Variants in SMIM20 observed in about 807,000 individuals in gnomAD.
SMIM20 encodes the protein small integral membrane protein 20, also known as mitochondrial translation regulation assembly intermediate of cytochrome c oxidase protein of 7 kDa.
SMIM20 carries 3 observed loss-of-function variants against 8.7 expected under a neutral mutation model. That is an observed-to-expected ratio of 0.34 (90% CI 0.16 to 0.89). The LOEUF (loss-of-function observed/expected upper bound fraction) is 0.89, where lower values mean the gene tolerates loss of function less well. Among genes scored for constraint, SMIM20 ranks in the 40% least tolerant of loss-of-function variants. SMIM20 has a pLI of 0.49. For synonymous variants in SMIM20, 44 were observed against 33.6 expected (o/e 1.31, Z -1.07); for missense variants, 85 against 84.8 (o/e 1.00, Z -0.01).
At chr4:25,916,594 C>T (rs779096811) in intron 1 of SMIM20, among the ~76,000 whole-genome samples, 17 of 152,222 alleles carry the variant, frequency 1.1e-4, no homozygotes, top group Non-Finnish European at 1.8e-4. Flanking sequence ...CTCCCTCTGT[C>T]GCCCAGGCTG....
In SMIM20 at chr4:25,914,241, C is replaced by T. The variant is rs534348556; in HGVS notation, c.-73C>T. 1.3e-5 allele frequency: 20 copies of T among 1,509,486 alleles called. 1 individual carries two copies. The South Asian group carries it at 1.9e-4, about 14-fold the overall frequency. 93.5% of individuals were successfully genotyped at this position (1,509,486 alleles called of 1,614,324 possible). On this transcript the variant is annotated 5_prime_UTR_variant, in exon 1 of 3. Transcript: ENST00000506197. ...CCACCTCTTCCGAGCGGGGTCACGG[C>T]CCGGCCGTCGGTAACCTGGTTTCCG...
At chr4:25,916,491 T>C (rs1323203400) in intron 1 of SMIM20, among the ~76,000 whole-genome samples, 1 of 151,450 alleles carries the variant, frequency 6.6e-6, no homozygotes, top group African/African-American at 2.4e-5. Flanking sequence ...GGATTATAGG[T>C]GTGAGCCACC....
chr4:25,922,575 G>A (rs759762454), intron 1 of SMIM20, among the ~76,000 whole-genome samples: 2 of 152,140 alleles, frequency 1.3e-5, no homozygotes, highest in Non-Finnish European at 2.9e-5. Flanking sequence ...TTGCTCTTTT[G>A]CTCCTGCCTT....
intron 1 of SMIM20, 150 bp from the exon 2 acceptor site, chr4:25,928,163 C>T (rs1159663081): frequency 6.0e-6 from 4 of 669,970 alleles, no homozygotes; most frequent in Non-Finnish European, 9.5e-6. Flanking sequence ...CTTCCACAAC[C>T]TAAAAGCTTT....
At chr4:25,923,323 A>G (rs376427793) in intron 1 of SMIM20, among the ~76,000 whole-genome samples, 1 of 152,210 alleles carries the variant, frequency 6.6e-6, no homozygotes, top group South Asian at 2.1e-4. Flanking sequence ...TACAAATAAC[A>G]TGCATTTGAG....
At chr4:25,927,633 T>C (rs1577362788) in intron 1 of SMIM20, among the ~76,000 whole-genome samples, 1 of 152,210 alleles carries the variant, frequency 6.6e-6, no homozygotes, top group South Asian at 2.1e-4. Flanking sequence ...AGACCTTGGG[T>C]TTATTCTAAA....
In SMIM20 at chr4:25,929,203, T is replaced by A. The variant is rs1392271943; in HGVS notation, c.*12T>A. 6.4e-7 allele frequency: 1 copy of A among 1,551,972 alleles called. No individual in the cohort carries two copies. The highest frequency in any genetic ancestry group is 2.0e-5 in the Admixed American group (1 of 51,010). On this transcript the variant is annotated 3_prime_UTR_variant, in exon 3 of 3. Transcript: ENST00000506197. ...TTGGCAGGAAATGAGAGGGCTGTCATCAGCTCTGATTAAGAAAGGAGATTT... is the reference window on the plus strand; with the variant it reads ...TTGGCAGGAAATGAGAGGGCTGTCAACAGCTCTGATTAAGAAAGGAGATTT...
At chr4:25,917,043 A>G (rs1719103976) in intron 1 of SMIM20, among the ~76,000 whole-genome samples, 1 of 152,168 alleles carries the variant, frequency 6.6e-6, no homozygotes, top group African/African-American at 2.4e-5. Flanking sequence ...CTATATGATC[A>G]TCATCCCCAT....
At chr4:25,927,586 T>C (rs1004934336) in intron 1 of SMIM20, among the ~76,000 whole-genome samples, 2 of 152,118 alleles carry the variant, frequency 1.3e-5, no homozygotes, top group Non-Finnish European at 2.9e-5. Flanking sequence ...GTCATTTGTT[T>C]GTCAAGATAC....
intron 1 of SMIM20, among the ~76,000 whole-genome samples, chr4:25,916,893 C>T (rs186758853): frequency 6.6e-6 from 1 of 152,292 alleles, no homozygotes; most frequent in Admixed American, 6.5e-5. Context: ...CCTTCAGTGC[C>T]AGCAACTGAT....
At chr4:25,919,055 C>T (rs1167583217) in intron 1 of SMIM20, among the ~76,000 whole-genome samples, 1 of 150,266 alleles carries the variant, frequency 6.7e-6, no homozygotes, top group Non-Finnish European at 1.5e-5. Context: ...CAGGCGCCCG[C>T]CACCGCGCCC....
chr4:25,915,854 T>G (rs370283659), intron 1 of SMIM20, among the ~76,000 whole-genome samples: 196 of 18,826 alleles, frequency 0.01, 2 homozygotes, highest in African/African-American at 0.033. Context: ...CAACTTGGGA[T>G]GGGGCGGGGG....
chr4:25,926,520 C>T (rs1015358461), intron 1 of SMIM20, among the ~76,000 whole-genome samples: 2 of 152,210 alleles, frequency 1.3e-5, no homozygotes, highest in Non-Finnish European at 2.9e-5. Flanking sequence ...AATCTTCAGC[C>T]TTGCTTCAGC....
chr4:25,926,867 C>G (rs370476375), intron 1 of SMIM20, among the ~76,000 whole-genome samples: 3 of 152,152 alleles, frequency 2.0e-5, no homozygotes, highest in East Asian at 3.8e-4. Flanking sequence ...TATTTTTGTT[C>G]CTGCCAAGAC....
intron 1 of SMIM20, among the ~76,000 whole-genome samples, chr4:25,918,820 T>C (rs958230879): frequency 2.6e-5 from 4 of 151,896 alleles, no homozygotes; most frequent in Non-Finnish European, 4.4e-5. Context: ...AGCCCAGATT[T>C]CTTTTAATAT....
intron 1 of SMIM20, among the ~76,000 whole-genome samples, chr4:25,924,105 C>T (rs1354823904): frequency 6.6e-6 from 1 of 152,184 alleles, no homozygotes; most frequent in Non-Finnish European, 1.5e-5. Flanking sequence ...ATATGGCTTC[C>T]CCTTGGCCCC....
In SMIM20 at chr4:25,929,152, A is replaced by AG. The variant is rs901606303; in HGVS notation, c.168dup. On this transcript the variant is annotated splice_acceptor_variant, in intron 2 of 2. Transcript: ENST00000506197. LOFTEE classifies it high-confidence loss of function. ...TGTTTTTGTTCCTGTTTCTTTCCAT[A>AG]GGGTTAAAAGTGTGGTCTGATCCAT... The AG allele has an allele frequency of 6.4e-7, 1 of 1,551,816 alleles. No individual in the cohort carries two copies. The highest frequency in any genetic ancestry group is 8.7e-7 in the Non-Finnish European group (1 of 1,146,888).
At chr4:25,924,434 T>A (rs1719251332) in intron 1 of SMIM20, among the ~76,000 whole-genome samples, 1 of 152,186 alleles carries the variant, frequency 6.6e-6, no homozygotes, top group Non-Finnish European at 1.5e-5. Flanking sequence ...ATCACGCCAC[T>A]GTACTCCAGC....
At position 25,929,249 on chromosome 4, in the gene SMIM20, A is replaced by C; in HGVS notation, c.*58A>C. ...GATTTCTTCATGCTTTCGATTCTGCATGGGGTACAGCCAGTCACCTCACCA... is the reference window on the plus strand; with the variant it reads ...GATTTCTTCATGCTTTCGATTCTGCCTGGGGTACAGCCAGTCACCTCACCA... On this transcript the variant is annotated 3_prime_UTR_variant, in exon 3 of 3. Coordinates refer to ENST00000506197, the MANE Select transcript of SMIM20 (RefSeq NM_001145432.3). 6.5e-7 allele frequency: 1 copy of C among 1,534,224 alleles called. No individual in the cohort carries two copies. The highest frequency in any genetic ancestry group is 8.8e-7 in the Non-Finnish European group (1 of 1,131,144).
Sources: gnomAD v4.1 joint callset for allele counts (sites outside exome capture counted in the v4.1 genomes callset) on GRCh38, gnomAD v4.1.1 for gene constraint, MANE v1.5 for transcripts, NCBI Gene and HGNC (gene_info 2026-07-23, HGNC 2026-07-21) for gene names.